UGT1A8: variants seen among roughly 807,000 people sequenced by gnomAD.
UGT1A8 encodes the protein UDP-glucuronosyltransferase 1A8.
In UGT1A8, 39 loss-of-function variants were observed where a neutral mutation model predicts 45.3. The observed-to-expected ratio is 0.86, with a 90% CI of 0.67 to 1.12. The LOEUF (loss-of-function observed/expected upper bound fraction) is 1.12, where lower values mean the gene tolerates loss of function less well. Among genes scored for constraint, UGT1A8 ranks in the 50% most tolerant of loss-of-function variants. The probability of loss-of-function intolerance (pLI) is 0.00; values close to 1 mark genes in which losing one functional copy is unlikely to be tolerated. For synonymous variants in UGT1A8, 275 were observed against 249.2 expected (o/e 1.10, Z -0.97); for missense variants, 719 against 664.9 (o/e 1.08, Z -0.90).
intron 1 of UGT1A8, among the ~76,000 whole-genome samples, chr2:233,653,892 C>T (rs1252009906): frequency 1.3e-5 from 2 of 152,152 alleles, no homozygotes; most frequent in African/African-American, 4.8e-5. Context: ...CCACCACGCC[C>T]GGCCAAGAAA....
intron 1 of UGT1A8, chr2:233,693,590 T>C (rs1559346509): frequency 6.2e-7 from 1 of 1,614,248 alleles, no homozygotes; most frequent in Non-Finnish European, 8.5e-7. Context: ...TCCCAGGTGC[T>C]ACACAAAGTT....
intron 1 of UGT1A8, among the ~76,000 whole-genome samples, chr2:233,724,109 G>T (rs1321159895): frequency 8.8e-6 from 1 of 113,982 alleles, no homozygotes; most frequent in African/African-American, 4.2e-5. Context: ...AGGGGCGGCC[G>T]GGCAGAGGCG....
chr2:233,772,537 C>T lies in UGT1A8; in HGVS notation c.1571C>T (p.Ala524Val). 1 of 1,614,090 alleles carries T rather than the reference C, an allele frequency of 6.2e-7. No individual in the cohort carries two copies. Among genetic ancestry groups the T allele is most frequent in the South Asian group, 1.1e-5 (1 of 91,078 alleles). ...GGGAAAAAAGGGCGAGTTAAGAAAG[C>T]CCACAAATCCAAGACCCATTGAGAA... ...CLGKKGRVKK[A>V]HKSKTH Residue 524 changes from alanine to valine, a missense_variant, in exon 5 of 5, where the codon GCC becomes GTC. Ala to Val is a moderately conservative substitution (Grantham distance 64, BLOSUM62 0). Transcript: ENST00000373450.
chr2:233,747,371 C>G (rs757857857), intron 1 of UGT1A8: 19 of 1,604,150 alleles, frequency 1.2e-5, no homozygotes, highest in Non-Finnish European at 1.5e-5. Flanking sequence ...AGCTCCATGC[C>G]AGAGGCCACC....
intron 1 of UGT1A8, chr2:233,693,828 G>A: frequency 6.2e-7 from 1 of 1,614,144 alleles, no homozygotes; most frequent in Non-Finnish European, 8.5e-7. Context: ...GTCTTCATTG[G>A]AGGTATCAAC....
chr2:233,671,933 T>C (rs773426993), intron 1 of UGT1A8: 80 of 1,604,288 alleles, frequency 5.0e-5, no homozygotes, highest in Non-Finnish European at 6.1e-5. Context: ...TGCAGTTCTC[T>C]GATGGCTTGC....
In UGT1A8 at chr2:233,671,968, C is replaced by T. The variant is rs1001554940; in HGVS notation, c.855+53406C>T. Reference sequence around the variant, plus strand: ...CACAGGGTGGACCAGCCCCCTTCCTCTATGTGTGTGTCTGCTGCTGACCTG... The same window carrying T: ...CACAGGGTGGACCAGCCCCCTTCCTTTATGTGTGTGTCTGCTGCTGACCTG... On this transcript the variant is annotated intron_variant, in intron 1 of 4. Transcript: ENST00000373450. 5 of 1,613,768 alleles carry T rather than the reference C, an allele frequency of 3.1e-6. No homozygotes were observed. In the African/African-American group the frequency reaches 6.7e-5, roughly 22 times the overall value.
rs879204025 is a variant in UGT1A8, at chr2:233,769,857, C to CAA, written c.1295+1434_1295+1435dup. On this transcript the variant is annotated intron_variant, in intron 4 of 4. Transcript: ENST00000373450. This position sits in a 1 kb window ranked among gnomAD's most constrained non-coding sequence, Gnocchi z 4.4. The stretch of plus-strand genomic sequence containing the variant: ...TGGGCAACAGAGTGAGACCCTGTCT[C>CAA]AAAAAAAAAAAAAAAAATGAAAAGT... The CAA allele has an allele frequency of 9.9e-3, 2,209 of 224,054 alleles. 3 individuals are homozygous for CAA. The highest frequency in any genetic ancestry group is 0.012 in the South Asian group (106 of 9,094). The allele number at this position is 224,054 out of a possible 1,614,324, so 13.9% of individuals were successfully genotyped here.
At chr2:233,643,671 C>T (rs1397721911) in intron 1 of UGT1A8, among the ~76,000 whole-genome samples, 1 of 152,176 alleles carries the variant, frequency 6.6e-6, no homozygotes. Context: ...TCACCTAGAG[C>T]CAGTAAGTCT....
At chr2:233,658,817 T>C (rs1575406566) in intron 1 of UGT1A8, among the ~76,000 whole-genome samples, 2 of 152,260 alleles carry the variant, frequency 1.3e-5, no homozygotes, top group Admixed American at 1.3e-4. Flanking sequence ...CTTTCTACTC[T>C]GTTCCATTGA....
intron 1 of UGT1A8, chr2:233,693,000 C>G (rs879529755): frequency 4.3e-6 from 7 of 1,613,882 alleles, no homozygotes; most frequent in Non-Finnish European, 5.9e-6. Flanking sequence ...TTAACTCTTT[C>G]CAGGATGGCC....
chr2:233,701,223 G>C (rs1559351682), intron 1 of UGT1A8, among the ~76,000 whole-genome samples: 1 of 152,114 alleles, frequency 6.6e-6, no homozygotes, highest in East Asian at 1.9e-4. Flanking sequence ...ATAATCCTTT[G>C]GGTATATACC....
Position 233,682,180 on chromosome 2 carries a change from C to A in UGT1A8, c.855+63618C>A, listed in dbSNP as rs149618508. 2.2e-4 allele frequency: 351 copies of A among 1,614,216 alleles called. No individual in the cohort carries two copies. In the African/African-American group the frequency reaches 4.2e-3, roughly 19 times the overall value. ...CAGTGAAGACTTACTCAACCTCATACACTCTGGAGGATCAGGACCGGGAGT... is the reference window on the plus strand; with the variant it reads ...CAGTGAAGACTTACTCAACCTCATAAACTCTGGAGGATCAGGACCGGGAGT... On this transcript the variant is annotated intron_variant, in intron 1 of 4. Transcript: ENST00000373450.
At position 233,739,969 on chromosome 2, in the gene UGT1A8, C is replaced by T. The variant is rs1048693209; in HGVS notation, c.856-27065C>T. Among the ~76,000 whole-genome samples, 3 of 151,864 alleles carry T rather than the reference C, an allele frequency of 2.0e-5. No homozygotes were observed. In the East Asian group the frequency reaches 5.8e-4, roughly 29 times the overall value. ...CTGGTGGGAGCTGATTGAATCATAT[C>T]GGCAGTTTTCCCCATGCTGTTCTTG... On this transcript the variant is annotated intron_variant, in intron 1 of 4. Coordinates refer to ENST00000373450, the MANE Select transcript of UGT1A8 (RefSeq NM_019076.5).
chr2:233,657,278 G>T (rs960971800), intron 1 of UGT1A8, among the ~76,000 whole-genome samples: 2 of 152,076 alleles, frequency 1.3e-5, no homozygotes, highest in African/African-American at 4.8e-5. Flanking sequence ...TTGCTCTAAA[G>T]GAATACCTGG....
At chr2:233,751,910 A>T (rs1006806920) in intron 1 of UGT1A8, among the ~76,000 whole-genome samples, 1 of 152,180 alleles carries the variant, frequency 6.6e-6, no homozygotes. Flanking sequence ...AGAACAGACT[A>T]ATACAAGATT....
rs543664272 is a variant in UGT1A8 at position 233,740,192 on chromosome 2, C to A, written c.856-26842C>A. Among the ~76,000 whole-genome samples, 491 of 151,932 alleles carry A rather than the reference C, an allele frequency of 3.2e-3. 4 individuals are homozygous for A. The highest frequency in any genetic ancestry group is 5.8e-3 in the Non-Finnish European group (395 of 68,032). On this transcript the variant is annotated intron_variant, in intron 1 of 4. Transcript: ENST00000373450. ...AACTGTGAGTCAATTAAACCTCTTT[C>A]TTTTATAAATTACCCAGTCTCAGCT...
At chr2:233,765,135 A>G (rs1248346894) in intron 1 of UGT1A8, among the ~76,000 whole-genome samples, 1 of 152,126 alleles carries the variant, frequency 6.6e-6, no homozygotes, top group Non-Finnish European at 1.5e-5. Flanking sequence ...TTAGCACTGA[A>G]CATCACATGT....
In UGT1A8 at chr2:233,636,813, A is replaced by G. The variant is rs147550983; in HGVS notation, c.855+18251A>G. ...AATTCATGGTTTTCGCCCATGCTCAATGGAAAGCACAGGCACAAAGTATAT... is the reference window on the plus strand; with the variant it reads ...AATTCATGGTTTTCGCCCATGCTCAGTGGAAAGCACAGGCACAAAGTATAT... On this transcript the variant is annotated intron_variant, in intron 1 of 4. Coordinates refer to ENST00000373450, the MANE Select transcript of UGT1A8 (RefSeq NM_019076.5). 49 of 1,614,090 alleles carry G rather than the reference A, an allele frequency of 3.0e-5. No individual in the cohort carries two copies. The African/African-American group carries it at 4.4e-4, about 15-fold the overall frequency.
Sources: allele counts gnomAD v4.1 joint callset (sites outside exome capture counted in the v4.1 genomes callset), GRCh38; gene constraint gnomAD v4.1.1; non-coding constraint Gnocchi (gnomAD v3.1); transcripts MANE v1.5; gene names NCBI Gene and HGNC (gene_info 2026-07-23, HGNC 2026-07-21).